The following CACNA1E variants were observed in gnomAD, a reference collection of about 807,000 sequenced individuals.
CACNA1E encodes the protein voltage-dependent R-type calcium channel subunit alpha-1E.
CACNA1E carries 40 observed loss-of-function variants against 259.2 expected under a neutral mutation model. The observed-to-expected ratio is 0.15, with a 90% CI of 0.12 to 0.20. The LOEUF (loss-of-function observed/expected upper bound fraction) is 0.20, where lower values mean the gene tolerates loss of function less well. Ranked by LOEUF, CACNA1E falls within the 10% of genes least tolerant of loss-of-function variation. The pLI is 1.00. For missense variants in CACNA1E, 1,874 were observed against 3,040.1 expected (o/e 0.62, Z 9.02); for synonymous variants, 1,104 against 1,138.5 (o/e 0.97, Z 0.61).
At chr1:181,728,287 T>A (rs1558313560) in intron 18 of CACNA1E, among the ~76,000 whole-genome samples, 1 of 152,192 alleles carries the variant, frequency 6.6e-6, no homozygotes, top group Non-Finnish European at 1.5e-5. Context: ...GGACAACGCT[T>A]GGCCCAGAGT....
chr1:181,400,878 C>G (rs1657050318), intron 1 of CACNA1E, among the ~76,000 whole-genome samples: 1 of 152,184 alleles, frequency 6.6e-6, no homozygotes, highest in Non-Finnish European at 1.5e-5. Flanking sequence ...TGGCTTCCAA[C>G]TGGTCTCCCT....
intron 24 of CACNA1E, 30 bp downstream of exon 24, chr1:181,738,456 T>C (rs754032339): frequency 6.3e-7 from 1 of 1,591,492 alleles, no homozygotes; most frequent in Non-Finnish European, 8.6e-7. Flanking sequence ...ACCTGGGCTC[T>C]TGGGTTTAGA....
chr1:181,707,887 T>A (rs1321997291), intron 7 of CACNA1E, among the ~76,000 whole-genome samples: 1 of 152,086 alleles, frequency 6.6e-6, no homozygotes, highest in African/African-American at 2.4e-5. Context: ...AAAGCTCACA[T>A]AGAAGGAGAG....
intron 6 of CACNA1E, among the ~76,000 whole-genome samples, chr1:181,650,497 A>G (rs1294486747): frequency 6.6e-6 from 1 of 152,210 alleles, no homozygotes; most frequent in Non-Finnish European, 1.5e-5. Context: ...CAGGGGAGGA[A>G]GAGTCAAAGG....
At chr1:181,650,248 C>G (rs568184015) in intron 6 of CACNA1E, among the ~76,000 whole-genome samples, 1 of 152,308 alleles carries the variant, frequency 6.6e-6, no homozygotes, top group African/African-American at 2.4e-5. Context: ...AAATACTTTG[C>G]TATAGAAATT....
intron 7 of CACNA1E, among the ~76,000 whole-genome samples, chr1:181,706,272 G>T (rs574592530): frequency 4.6e-5 from 7 of 152,178 alleles, no homozygotes; most frequent in African/African-American, 1.7e-4. Flanking sequence ...CTAAATAACC[G>T]TAATATGCAT....
At chr1:181,658,545 T>C (rs1262172615) in intron 7 of CACNA1E, among the ~76,000 whole-genome samples, 1 of 152,182 alleles carries the variant, frequency 6.6e-6, no homozygotes, top group African/African-American at 2.4e-5. Context: ...CCTATATCCT[T>C]CGATAATATT....
At chr1:181,501,334 G>A (rs1665234075) in intron 1 of CACNA1E, among the ~76,000 whole-genome samples, 1 of 152,208 alleles carries the variant, frequency 6.6e-6, no homozygotes, top group Admixed American at 6.5e-5. Flanking sequence ...CCCATCCTTT[G>A]GGAATCAGGG....
chr1:181,723,431 T>C (rs1654592512), intron 16 of CACNA1E, among the ~76,000 whole-genome samples: 1 of 152,192 alleles, frequency 6.6e-6, no homozygotes, highest in African/African-American at 2.4e-5. Flanking sequence ...TTCTGTTCCC[T>C]TACTCATCAA....
chr1:181,477,314 C>G (rs1662925884), intron 2 of CACNA1E, among the ~76,000 whole-genome samples: 1 of 152,156 alleles, frequency 6.6e-6, no homozygotes, highest in South Asian at 2.1e-4. Flanking sequence ...CCAGTACTCT[C>G]CTGTGGTGCA....
At chr1:181,670,008 A>G (rs1415158983) in intron 7 of CACNA1E, among the ~76,000 whole-genome samples, 8 of 152,228 alleles carry the variant, frequency 5.3e-5, no homozygotes, top group African/African-American at 1.9e-4. Flanking sequence ...TCACTTCACT[A>G]TAGCTTTGAT....
chr1:181,557,197 C>T (rs1324243715), intron 3 of CACNA1E, among the ~76,000 whole-genome samples: 1 of 152,182 alleles, frequency 6.6e-6, no homozygotes, highest in Non-Finnish European at 1.5e-5. Context: ...AGGTCCATAG[C>T]AGGACTTTCC....
At chr1:181,641,400 CCTTG>C (rs1657733472) in intron 6 of CACNA1E, among the ~76,000 whole-genome samples, 1 of 152,190 alleles carries the variant, frequency 6.6e-6, no homozygotes, top group Admixed American at 6.5e-5. Context: ...TCTTACCTTG[CCTTG>C]CTTGCTGCCA....
intron 6 of CACNA1E, among the ~76,000 whole-genome samples, chr1:181,628,382 T>C (rs1656397347): frequency 6.6e-6 from 1 of 152,204 alleles, no homozygotes; most frequent in Non-Finnish European, 1.5e-5. Context: ...TGAAATTCTT[T>C]CTCCCAGGAG....
At chr1:181,477,353 T>C (rs568343787) in intron 2 of CACNA1E, among the ~76,000 whole-genome samples, 2 of 152,284 alleles carry the variant, frequency 1.3e-5, no homozygotes, top group Non-Finnish European at 2.9e-5. Flanking sequence ...ATTCGAGCCC[T>C]TTGTGGGTAT....
At chr1:181,734,140 T>G (rs12139677) in intron 21 of CACNA1E, among the ~76,000 whole-genome samples, 92,575 of 151,908 alleles carry the variant, frequency 0.61, 28,717 homozygotes, top group Non-Finnish European at 0.64. Context: ...ATGGCTCTGC[T>G]CACTGAGTGA....
intron 2 of CACNA1E, among the ~76,000 whole-genome samples, chr1:181,441,170 C>G (rs935492421): frequency 1.3e-5 from 2 of 151,976 alleles, no homozygotes; most frequent in African/African-American, 2.4e-5. Context: ...TTTTTTGAGA[C>G]AAAGTCCCAC....
chr1:181,701,038 C>A (rs16858006), intron 7 of CACNA1E, among the ~76,000 whole-genome samples: 17,527 of 152,214 alleles, frequency 0.12, 1,073 homozygotes, highest in Admixed American at 0.16. Flanking sequence ...TAAGGAAGAA[C>A]CTTTTGGTGA....
chr1:181,599,922 C>A (rs1653574242), intron 6 of CACNA1E, among the ~76,000 whole-genome samples: 1 of 152,106 alleles, frequency 6.6e-6, no homozygotes, highest in South Asian at 2.1e-4. Flanking sequence ...GAAGAACAAG[C>A]AAAATCAGTC....
Sources: allele counts gnomAD v4.1 joint callset (sites outside exome capture counted in the v4.1 genomes callset), GRCh38; gene constraint gnomAD v4.1.1; transcripts MANE v1.5; gene names NCBI Gene and HGNC (gene_info 2026-07-23, HGNC 2026-07-21).